Variants in CYP19A1 observed in about 807,000 individuals in gnomAD.
The protein encoded by CYP19A1 is aromatase.
A neutral mutation model predicts 44.4 loss-of-function variants in CYP19A1; 32 were observed. The observed-to-expected ratio is 0.72, with a 90% CI of 0.54 to 0.97. The LOEUF is 0.97. CYP19A1 is among the 50% of genes least tolerant of loss of function. The pLI is 0.00. For synonymous variants in CYP19A1, 212 were observed against 215.6 expected, an observed-to-expected ratio of 0.98 and a Z score of 0.14; for missense variants, 598 against 637.8, an observed-to-expected ratio of 0.94 and a Z score of 0.67.
rs538534705 is a variant in CYP19A1, at chr15:51,321,321, T to C, written c.-39+17174A>G. Among the ~76,000 whole-genome samples, 10 of 152,196 alleles carry C rather than the reference T, an allele frequency of 6.6e-5. No individual in the cohort carries two copies. In the South Asian group the frequency reaches 1.9e-3, roughly 28 times the overall value. ...ACCATGCCCCTAGATCCCCCATGAC[T>C]GCCTACTGTTGGGGGAGCCCACCAC... is the stretch of plus-strand genomic sequence containing the variant. On this transcript the variant is annotated intron_variant, in intron 1 of 9. Transcript: ENST00000396402.
In CYP19A1 at chr15:51,210,323, C is replaced by T. The variant is rs1392918834; in HGVS notation, c.*485G>A. Reference sequence around the variant, plus strand: ...AAGACTATGAATGTTGCTTTTCCACCTCCACAGAAAACAAAATTAAAGTAC... The same window carrying T: ...AAGACTATGAATGTTGCTTTTCCACTTCCACAGAAAACAAAATTAAAGTAC... On this transcript the variant is annotated 3_prime_UTR_variant, in exon 10 of 10. Coordinates refer to ENST00000396402, the MANE Select transcript of CYP19A1 (RefSeq NM_000103.4). 3 of 472,986 alleles carry T rather than the reference C, an allele frequency of 6.3e-6. No individual in the cohort carries two copies. In the Admixed American group the frequency reaches 7.0e-5, roughly 11 times the overall value. The allele number at this position is 472,986 out of a possible 1,614,324, so 29.3% of individuals were successfully genotyped here. A position where few individuals can be genotyped will look rare whatever the true frequency, so the allele number is the denominator to read the frequency against.
At chr15:51,297,979 T>C (rs2036035336) in intron 1 of CYP19A1, among the ~76,000 whole-genome samples, 1 of 151,808 alleles carries the variant, frequency 6.6e-6, no homozygotes, top group Non-Finnish European at 1.5e-5. Context: ...TGGGGGAAGA[T>C]GTAGGAAGGC....
chr15:51,304,059 A>G (rs1011406222), intron 1 of CYP19A1, among the ~76,000 whole-genome samples: 5 of 152,360 alleles, frequency 3.3e-5, no homozygotes, highest in East Asian at 1.9e-4. Flanking sequence ...ACCAGGGAGA[A>G]AAATAGACGA....
intron 1 of CYP19A1, among the ~76,000 whole-genome samples, chr15:51,308,406 A>G (rs1024074034): frequency 6.6e-6 from 1 of 152,092 alleles, no homozygotes; most frequent in Non-Finnish European, 1.5e-5. Flanking sequence ...TTTGTTTCAT[A>G]GTTAGTTTCT....
chr15:51,309,206 G>A lies in CYP19A1; in HGVS notation c.-39+29289C>T, dbSNP rs558528826. ...GCCTCTGTAAGAAGAGGTACCAGAC[G>A]GCTTTTTAGCTCTCTTTCTGCTATG... On this transcript the variant is annotated intron_variant, in intron 1 of 9. Transcript: ENST00000396402. Among the ~76,000 whole-genome samples, 9 of 152,266 alleles carry A rather than the reference G, an allele frequency of 5.9e-5. No homozygotes were observed. In the South Asian group the frequency reaches 1.5e-3, roughly 25 times the overall value.
Position 51,242,781 on chromosome 15 carries a change from T to A in CYP19A1, c.132A>T (p.Thr44=). 1 of 1,564,682 alleles carries A rather than the reference T, an allele frequency of 6.4e-7. No homozygotes were observed. Among genetic ancestry groups the A allele is most frequent in the South Asian group, 1.1e-5 (1 of 90,032 alleles). The change falls in exon 2 of 10, where the codon ACA becomes ACT. Residue 44 remains threonine (T), a synonymous_variant. Transcript: ENST00000396402. ...LFLLVWNYEG[T]SSIPGPGYCM... is the part of the protein sequence containing the mutation. ...TGACTGACTTACCTGGTATTGAGGA[T>A]GTGCCCTCATAATTCCACACCAAGA...
chr15:51,290,756 C>T (rs199952794), intron 1 of CYP19A1, among the ~76,000 whole-genome samples: 1 of 152,192 alleles, frequency 6.6e-6, no homozygotes, highest in African/African-American at 2.4e-5. Flanking sequence ...TCCCTCCGAG[C>T]GTCATGTTGC....
intron 1 of CYP19A1, among the ~76,000 whole-genome samples, chr15:51,268,202 C>T (rs2034998992): frequency 6.6e-6 from 1 of 152,176 alleles, no homozygotes; most frequent in African/African-American, 2.4e-5. Flanking sequence ...CTTGTGAAAC[C>T]ATTACAAAAT....
At chr15:51,305,845 G>A (rs1232810998) in intron 1 of CYP19A1, among the ~76,000 whole-genome samples, 1 of 152,182 alleles carries the variant, frequency 6.6e-6, no homozygotes, top group African/African-American at 2.4e-5. Context: ...ACAAGCATGA[G>A]CCACTGCGCG....
intron 4 of CYP19A1, 80 bp downstream of exon 4, chr15:51,227,699 T>C (rs1204556964): frequency 2.3e-6 from 1 of 427,668 alleles, no homozygotes; most frequent in Non-Finnish European, 4.2e-6. Flanking sequence ...AATAAATAAA[T>C]AAAATATTTT....
Position 51,247,399 on chromosome 15 carries a change from G to A in CYP19A1, c.-38-4449C>T, listed in dbSNP as rs550029626. Among the ~76,000 whole-genome samples the A allele has an allele frequency of 2.0e-4, 31 of 152,138 alleles. 1 individual carries two copies. The Middle Eastern group carries it at 0.01, about 50-fold the overall frequency. ...TATTTCACCATTACTCCATAGTTACGTCTAAAACCCAATCTGTCAACCTCC... is the reference window on the plus strand; with the variant it reads ...TATTTCACCATTACTCCATAGTTACATCTAAAACCCAATCTGTCAACCTCC... On this transcript the variant is annotated intron_variant, in intron 1 of 9. Transcript: ENST00000396402.
At chr15:51,215,347 A>C in intron 7 of CYP19A1, 115 bp from the exon 8 acceptor site, 1 of 1,479,544 alleles carries the variant, frequency 6.8e-7, no homozygotes. Context: ...TAGAAACCAC[A>C]TGTCTCTGTG....
intron 1 of CYP19A1, among the ~76,000 whole-genome samples, chr15:51,272,559 A>G (rs2035165817): frequency 6.6e-6 from 1 of 152,262 alleles, no homozygotes; most frequent in Non-Finnish European, 1.5e-5. Flanking sequence ...GAAAAGCTAC[A>G]TGAAGGTCTT....
At chr15:51,254,065 C>T (rs1423704478) in intron 1 of CYP19A1, among the ~76,000 whole-genome samples, 2 of 152,138 alleles carry the variant, frequency 1.3e-5, no homozygotes, top group African/African-American at 4.8e-5. Flanking sequence ...TGATGAGGGA[C>T]AATACAGGAG....
At chr15:51,259,180 T>C (rs1270488675) in intron 1 of CYP19A1, among the ~76,000 whole-genome samples, 1 of 151,694 alleles carries the variant, frequency 6.6e-6, no homozygotes, top group East Asian at 1.9e-4. Context: ...CTGGGTAGAG[T>C]TGGGACTTAC....
At chr15:51,227,204 A>C (rs1373177039) in intron 4 of CYP19A1, among the ~76,000 whole-genome samples, 3 of 152,118 alleles carry the variant, frequency 2.0e-5, no homozygotes, top group African/African-American at 7.3e-5. Context: ...GCTATCATTT[A>C]CTAATGTTTG....
At chr15:51,330,609 G>A (rs1266812196) in intron 1 of CYP19A1, among the ~76,000 whole-genome samples, 1 of 152,158 alleles carries the variant, frequency 6.6e-6, no homozygotes, top group Admixed American at 6.5e-5. Context: ...AGAGGCCTCG[G>A]CAGTGGATAA....
At chr15:51,215,368 G>T (rs1385102588) in intron 7 of CYP19A1, 136 bp from the exon 8 acceptor site, 6 of 1,392,164 alleles carry the variant, frequency 4.3e-6, no homozygotes, top group Non-Finnish European at 5.0e-6. Flanking sequence ...ATTGACTGTG[G>T]ACATTTTACA....
intron 1 of CYP19A1, among the ~76,000 whole-genome samples, chr15:51,250,791 A>G (rs1415629608): frequency 7.2e-6 from 1 of 139,204 alleles, no homozygotes; most frequent in Non-Finnish European, 1.5e-5. Context: ...TGTTCCAGGA[A>G]CAGCAGTCAT....
Sources: allele counts gnomAD v4.1 joint callset (sites outside exome capture counted in the v4.1 genomes callset), GRCh38; gene constraint gnomAD v4.1.1; transcripts MANE v1.5; gene names NCBI Gene and HGNC (gene_info 2026-07-23, HGNC 2026-07-21).